Variants in APP observed in about 807,000 individuals in gnomAD.
The protein encoded by APP is amyloid-beta precursor protein.
In APP, 31 loss-of-function variants were observed where a neutral mutation model predicts 101.4. The observed-to-expected ratio is 0.31, with a 90% CI of 0.23 to 0.41. The LOEUF (loss-of-function observed/expected upper bound fraction) is 0.41, where lower values mean the gene tolerates loss of function less well. Ranked by LOEUF, APP falls within the 10% of genes least tolerant of loss-of-function variation. The probability of loss-of-function intolerance (pLI) is 1.00; values close to 1 mark genes in which losing one functional copy is unlikely to be tolerated. For synonymous variants in APP, 366 were observed against 364.4 expected (o/e 1.00, Z -0.05); for missense variants, 839 against 1,003.7 (o/e 0.84, Z 2.22).
At chr21:26,066,378 C>T (rs1460522895) in intron 3 of APP, among the ~76,000 whole-genome samples, 1 of 152,048 alleles carries the variant, frequency 6.6e-6, no homozygotes, top group Non-Finnish European at 1.5e-5. Context: ...AGATTCATAT[C>T]GTTGTACAAC....
At chr21:25,925,781 CAA>C (rs942870013) in intron 13 of APP, among the ~76,000 whole-genome samples, 6 of 151,874 alleles carry the variant, frequency 4.0e-5, no homozygotes, top group Admixed American at 3.9e-4. Flanking sequence ...TAAAAAAATA[CAA>C]AAATTAGCCA....
At chr21:26,164,265 A>C (rs1358003489) in intron 1 of APP, among the ~76,000 whole-genome samples, 1 of 152,178 alleles carries the variant, frequency 6.6e-6, no homozygotes, top group Admixed American at 6.5e-5. Flanking sequence ...CAAAACAAAA[A>C]ATTCATTTTA....
chr21:25,965,504 C>T (rs1229893277), intron 11 of APP, among the ~76,000 whole-genome samples: 1 of 152,156 alleles, frequency 6.6e-6, no homozygotes, highest in African/African-American at 2.4e-5. Context: ...CTTCCCATAC[C>T]TAGGCAGTGT....
intron 11 of APP, among the ~76,000 whole-genome samples, chr21:25,965,924 T>C (rs2041779657): frequency 6.6e-6 from 1 of 152,224 alleles, no homozygotes; most frequent in Non-Finnish European, 1.5e-5. Context: ...CATACGGTGC[T>C]ATGGGTTTTA....
intron 5 of APP, among the ~76,000 whole-genome samples, chr21:26,037,711 A>G (rs2045181981): frequency 1.3e-5 from 2 of 152,184 alleles, no homozygotes; most frequent in South Asian, 2.1e-4. Context: ...CCTTGTAAAC[A>G]TATTTTCATA....
chr21:25,955,031 C>G (rs903411667), intron 12 of APP, among the ~76,000 whole-genome samples: 2 of 151,822 alleles, frequency 1.3e-5, no homozygotes, highest in African/African-American at 4.8e-5. Flanking sequence ...ACCTCTGATT[C>G]CTAATACTGA....
intron 9 of APP, among the ~76,000 whole-genome samples, chr21:25,976,244 A>G (rs2042219573): frequency 6.6e-6 from 1 of 152,206 alleles, no homozygotes; most frequent in East Asian, 1.9e-4. Flanking sequence ...GTTCATATTT[A>G]TTGCAGGAAT....
chr21:26,164,724 C>T (rs993311713), intron 1 of APP, among the ~76,000 whole-genome samples: 7 of 151,918 alleles, frequency 4.6e-5, no homozygotes, highest in Non-Finnish European at 7.4e-5. Flanking sequence ...GGCATGGTGG[C>T]GAGTGCCCAT....
At chr21:25,984,448 A>C (rs1037138888) in intron 8 of APP, among the ~76,000 whole-genome samples, 2 of 152,186 alleles carry the variant, frequency 1.3e-5, no homozygotes, top group African/African-American at 4.8e-5. Context: ...AAAAATAAGT[A>C]AATTGTTAAT....
chr21:25,916,386 G>A (rs2039351344), intron 13 of APP, among the ~76,000 whole-genome samples: 1 of 152,216 alleles, frequency 6.6e-6, no homozygotes, highest in African/African-American at 2.4e-5. Flanking sequence ...ATCATAAAAT[G>A]TCTAAGGCAG....
chr21:25,887,796 T>A (rs532137663), intron 17 of APP, among the ~76,000 whole-genome samples: 15 of 152,278 alleles, frequency 9.9e-5, no homozygotes, highest in African/African-American at 3.4e-4. Flanking sequence ...GTTGTAGGTG[T>A]GTAGCCCAGG....
intron 13 of APP, chr21:25,935,133 T>A (rs2040308481): frequency 6.6e-6 from 1 of 152,168 alleles, no homozygotes; most frequent in Non-Finnish European, 1.5e-5. Context: ...GGGTTTCAGG[T>A]TTTACTAACT....
At chr21:25,989,212 C>T (rs932291790) in intron 8 of APP, among the ~76,000 whole-genome samples, 1 of 152,196 alleles carries the variant, frequency 6.6e-6, no homozygotes, top group African/African-American at 2.4e-5. Context: ...ATGAGGCAGA[C>T]GTCACTCTCC....
chr21:25,964,081 T>C (rs998195600), intron 11 of APP, among the ~76,000 whole-genome samples: 7 of 152,196 alleles, frequency 4.6e-5, no homozygotes, highest in African/African-American at 1.7e-4. Flanking sequence ...TTAATCCACT[T>C]AGTTCATAAG....
intron 1 of APP, among the ~76,000 whole-genome samples, chr21:26,151,796 T>C (rs1456847198): frequency 1.3e-5 from 2 of 152,186 alleles, no homozygotes; most frequent in East Asian, 3.8e-4. Context: ...GCTCACCTAC[T>C]GCTGTGCAGC....
intron 7 of APP, among the ~76,000 whole-genome samples, chr21:25,999,564 T>C (rs2043196185): frequency 2.0e-5 from 3 of 152,182 alleles, no homozygotes; most frequent in Admixed American, 2.0e-4. Context: ...CCATACACCT[T>C]ATCAATGCAA....
intron 11 of APP, among the ~76,000 whole-genome samples, chr21:25,958,434 GCTCA>G (rs2041421895): frequency 6.6e-6 from 1 of 152,076 alleles, no homozygotes; most frequent in Non-Finnish European, 1.5e-5. Context: ...GTGCCACCAT[GCTCA>G]GCTAATTTTT....
intron 2 of APP, among the ~76,000 whole-genome samples, chr21:26,108,667 C>T (rs759592076): frequency 1.1e-3 from 161 of 152,262 alleles, no homozygotes; most frequent in Admixed American, 2.6e-3. Context: ...GAGGGTGGAT[C>T]GCAAGGTCAG....
chr21:25,901,614 G>A (rs1339785133), intron 15 of APP, among the ~76,000 whole-genome samples: 2 of 152,176 alleles, frequency 1.3e-5, no homozygotes, highest in African/African-American at 4.8e-5. Flanking sequence ...ATAATAAGGT[G>A]ATAATGCATG....
Sources: gnomAD v4.1 joint callset for allele counts (sites outside exome capture counted in the v4.1 genomes callset) on GRCh38, gnomAD v4.1.1 for gene constraint, MANE v1.5 for transcripts, NCBI Gene and HGNC (gene_info 2026-07-23, HGNC 2026-07-21) for gene names.